ANKIB1: variants seen among roughly 807,000 people sequenced by gnomAD.
The protein encoded by ANKIB1 is ankyrin repeat and IBR domain containing 1, also known as ankyrin repeat and IBR domain-containing protein 1.
ANKIB1 carries 43 observed loss-of-function variants against 122.1 expected under a neutral mutation model. That is an observed-to-expected ratio of 0.35 (90% CI 0.28 to 0.45). The LOEUF (loss-of-function observed/expected upper bound fraction) is 0.45. Ranked by LOEUF, ANKIB1 falls within the 20% of genes least tolerant of loss-of-function variation. The pLI is 1.00. For synonymous variants in ANKIB1, 390 were observed against 442.0 expected (o/e 0.88, Z 1.48); for missense variants, 992 against 1,329.5 (o/e 0.75, Z 3.95).
At chr7:92,363,831 C>T (rs768013723) in intron 10 of ANKIB1, among the ~76,000 whole-genome samples, 3 of 152,160 alleles carry the variant, frequency 2.0e-5, no homozygotes, top group Admixed American at 6.5e-5. Flanking sequence ...TTCTGACCCA[C>T]GGAGAAGAGA....
chr7:92,309,942 A>AAAAAAAAAAAATATAT (rs1335765681), intron 3 of ANKIB1, among the ~76,000 whole-genome samples: 4 of 91,818 alleles, frequency 4.4e-5, no homozygotes, highest in African/African-American at 9.7e-5. Flanking sequence ...AAAAAAAAAA[A>AAAAAAAAAAAATATAT]ATATATATAT....
chr7:92,327,879 G>A lies in ANKIB1; in HGVS notation c.766G>A (p.Glu256Lys). Residue 256 changes from glutamate (E) to lysine (K), a missense_variant, in exon 5 of 20, where the codon GAA becomes AAA. This residue lies in a region of ANKIB1 where 521 missense variants were observed against 777.7 expected (regional missense o/e 0.67). Transcript: ENST00000265742. Reference sequence around the variant, plus strand: ...GCTTCAGGCTCCTCTCTTTACTGCTGAAGCTTTACTTCGAGCTCATGGTAA... The same window carrying A: ...GCTTCAGGCTCCTCTCTTTACTGCTAAAGCTTTACTTCGAGCTCATGGTAA... ...DMLQAPLFTAEALLRAHDWDR... is the reference protein window; with the variant it reads ...DMLQAPLFTAKALLRAHDWDR... 6.3e-7 allele frequency: 1 copy of A among 1,587,600 alleles called. No individual in the cohort carries two copies. The highest frequency in any genetic ancestry group is 8.5e-7 in the Non-Finnish European group (1 of 1,171,194).
intron 1 of ANKIB1, among the ~76,000 whole-genome samples, chr7:92,266,932 C>T (rs935146090): frequency 2.0e-5 from 3 of 152,174 alleles, no homozygotes; most frequent in Admixed American, 6.5e-5. Context: ...CCAATGCCCA[C>T]CTTCATTATA....
intron 1 of ANKIB1, among the ~76,000 whole-genome samples, chr7:92,250,921 T>C (rs1258631237): frequency 5.3e-5 from 8 of 152,246 alleles, no homozygotes; most frequent in Admixed American, 5.2e-4. Flanking sequence ...AGCAGTTTGC[T>C]ATTCTCAGGA....
At chr7:92,389,821 C>G in intron 14 of ANKIB1, 150 bp from the exon 15 acceptor site, 1 of 772,326 alleles carries the variant, frequency 1.3e-6, no homozygotes, top group South Asian at 2.0e-5. Flanking sequence ...TAGTTTGGTT[C>G]AAATAAGTAT....
rs1804992456 is a variant in ANKIB1 at position 92,400,515 on chromosome 7, A to AGTCCT, written c.*1568_*1572dup. 1 of 152,226 alleles carries AGTCCT rather than the reference A, an allele frequency of 6.6e-6. No individual in the cohort carries two copies. Among genetic ancestry groups the AGTCCT allele is most frequent in the Non-Finnish European group, 1.5e-5 (1 of 68,022 alleles). 9.4% of individuals were successfully genotyped at this position (152,226 alleles called of 1,614,324 possible). ...TTTCAGTTCTGAGTTTGTACAGGCAAGTCCTGGGCTGGGTAAAAAGTTATA... is the reference window on the plus strand; with the variant it reads ...TTTCAGTTCTGAGTTTGTACAGGCAAGTCCTGTCCTGGGCTGGGTAAAAAGTTATA... On this transcript the variant is annotated 3_prime_UTR_variant, in exon 20 of 20. Transcript: ENST00000265742.
At chr7:92,247,384 C>T (rs2131862347) in intron 1 of ANKIB1, among the ~76,000 whole-genome samples, 1 of 152,202 alleles carries the variant, frequency 6.6e-6, no homozygotes, top group Non-Finnish European at 1.5e-5. Flanking sequence ...TTGTTACAAG[C>T]TTTTGCTTTG....
rs575613131 is a variant in ANKIB1, at chr7:92,273,255, A to G, written c.-90-21634A>G. Reference sequence around the variant, plus strand: ...TTTTGTCACACAAAATGGCATAAACAATTAGAATGATTTATCATCTTATTC... The same window carrying G: ...TTTTGTCACACAAAATGGCATAAACGATTAGAATGATTTATCATCTTATTC... On this transcript the variant is annotated intron_variant, in intron 1 of 19. Coordinates refer to ENST00000265742, the MANE Select transcript of ANKIB1 (RefSeq NM_019004.2). 8.4e-4 allele frequency among the ~76,000 whole-genome samples: 128 copies of G among 152,322 alleles called. No individual in the cohort carries two copies. The South Asian group carries it at 0.023, about 28-fold the overall frequency.
intron 5 of ANKIB1, among the ~76,000 whole-genome samples, chr7:92,333,805 G>A (rs1329148479): frequency 6.6e-6 from 1 of 152,068 alleles, no homozygotes; most frequent in Non-Finnish European, 1.5e-5. Context: ...AGACTAAAAT[G>A]TAGCATATTT....
intron 3 of ANKIB1, among the ~76,000 whole-genome samples, chr7:92,309,229 AT>A (rs1802634942): frequency 6.6e-6 from 1 of 152,184 alleles, no homozygotes; most frequent in Admixed American, 6.5e-5. Flanking sequence ...ACTTGAAACT[AT>A]TTTTCAAGCA....
chr7:92,352,046 TATTG>T (rs916404458), intron 8 of ANKIB1, among the ~76,000 whole-genome samples: 6 of 152,042 alleles, frequency 3.9e-5, no homozygotes, highest in African/African-American at 1.4e-4. Context: ...GAAAGTATAA[TATTG>T]ATTATTATGT....
chr7:92,247,681 G>A (rs2131864427), intron 1 of ANKIB1, among the ~76,000 whole-genome samples: 1 of 152,262 alleles, frequency 6.6e-6, no homozygotes, highest in South Asian at 2.1e-4. Context: ...TCAGTGATTG[G>A]ACAATAGCTC....
chr7:92,285,092 G>A (rs1802091588), intron 1 of ANKIB1, among the ~76,000 whole-genome samples: 1 of 152,164 alleles, frequency 6.6e-6, no homozygotes. Context: ...TTTTGAGACA[G>A]AGCCTTGCTC....
chr7:92,261,348 C>CAAA (rs765326035), intron 1 of ANKIB1, among the ~76,000 whole-genome samples: 1 of 63,724 alleles, frequency 1.6e-5, no homozygotes, highest in Admixed American at 1.6e-4. Flanking sequence ...GACTCCGTCT[C>CAAA]AAAAAAAAAA....
At chr7:92,269,757 C>T (rs914806102) in intron 1 of ANKIB1, among the ~76,000 whole-genome samples, 1 of 151,854 alleles carries the variant, frequency 6.6e-6, no homozygotes. Context: ...GTTCAACTAT[C>T]TCTTCTATAA....
chr7:92,276,941 G>T (rs779494751), intron 1 of ANKIB1, among the ~76,000 whole-genome samples: 1 of 152,184 alleles, frequency 6.6e-6, no homozygotes, highest in Non-Finnish European at 1.5e-5. Context: ...GATCATGGGG[G>T]CGAATTTCTC....
chr7:92,370,592 AT>A (rs1037444302), intron 10 of ANKIB1, among the ~76,000 whole-genome samples: 15 of 150,094 alleles, frequency 1.0e-4, no homozygotes, highest in African/African-American at 3.4e-4. Context: ...TATTTCTTAT[AT>A]TTCAAAACAA....
At chr7:92,366,781 G>A (rs1804095474) in intron 10 of ANKIB1, among the ~76,000 whole-genome samples, 2 of 152,100 alleles carry the variant, frequency 1.3e-5, no homozygotes, top group South Asian at 4.1e-4. Context: ...GAGATACCAA[G>A]GCCAAGAGAA....
Position 92,398,293 on chromosome 7 carries a change from G to A in ANKIB1, c.2614G>A (p.Asp872Asn), listed in dbSNP as rs768088519. 2.6e-5 allele frequency: 42 copies of A among 1,613,544 alleles called. 1 individual carries two copies. Among genetic ancestry groups the A allele is most frequent in the South Asian group, 6.6e-5 (6 of 91,012 alleles). ...ACTGCAAGAGTCTGGGCTGGCCCTC[G>A]ATGAAGAAACTAGAGACTTCCTCAG... ...LSLQESGLAL[D>N]EETRDFLSNE... Residue 872 changes from aspartate (D) to asparagine (N), a missense_variant, in exon 20 of 20, where the codon GAT becomes AAT. By Grantham distance (23) the Asp-to-Asn change is conservative (BLOSUM62 1). Around this residue, in one of 4 missense-constraint regions of ANKIB1, gnomAD observed 384 missense variants for 412.0 expected, o/e 0.93. Coordinates refer to ENST00000265742, the MANE Select transcript of ANKIB1 (RefSeq NM_019004.2).
Sources: gnomAD v4.1 joint callset for allele counts (sites outside exome capture counted in the v4.1 genomes callset) on GRCh38, gnomAD v4.1.1 for gene constraint, gnomAD v4.1.1 regional missense constraint, MANE v1.5 for transcripts, NCBI Gene and HGNC (gene_info 2026-07-23, HGNC 2026-07-21) for gene names.